The following CACNA1A variants were observed in gnomAD, a reference collection of about 807,000 sequenced individuals.
CACNA1A encodes the protein calcium voltage-gated channel subunit alpha1 A.
A neutral mutation model predicts 262.4 loss-of-function variants in CACNA1A; 57 were observed. The ratio of observed to expected loss-of-function variants is 0.22; its 90% CI spans 0.18 to 0.27. The LOEUF (loss-of-function observed/expected upper bound fraction) is 0.27. Among genes scored for constraint, CACNA1A ranks in the 10% least tolerant of loss-of-function variants. CACNA1A has a pLI of 1.00. For synonymous variants in CACNA1A, 1,431 were observed against 1,419.3 expected (o/e 1.01, Z -0.18); for missense variants, 2,526 against 3,562.8 (o/e 0.71, Z 7.41).
rs749095451 is a variant in CACNA1A at position 13,261,616 on chromosome 19, G to A, written c.4090-6C>T. 4 of 1,606,346 alleles carry A rather than the reference G, an allele frequency of 2.5e-6. No homozygotes were observed. In the South Asian group the frequency reaches 4.5e-5, roughly 18 times the overall value. On this transcript the variant is annotated splice_region_variant and splice_polypyrimidine_tract_variant and intron_variant, in intron 25 of 46. Transcript: ENST00000360228. ...ACCACACAGTCAAACACAGCCTGTGGGGTGGAGTTGACAGAGAGCATGAGG... is the reference window on the plus strand; with the variant it reads ...ACCACACAGTCAAACACAGCCTGTGAGGTGGAGTTGACAGAGAGCATGAGG...
chr19:13,212,778 TG>T lies in CACNA1A; in HGVS notation c.5941-39del. 1 of 1,073,594 alleles carries T rather than the reference TG, an allele frequency of 9.3e-7. No individual in the cohort carries two copies. The highest frequency in any genetic ancestry group is 1.3e-6 in the Non-Finnish European group (1 of 759,916). The allele number at this position is 1,073,594 out of a possible 1,614,324, so 66.5% of individuals were successfully genotyped here. On this transcript the variant is annotated intron_variant, in intron 40 of 46. Coordinates refer to ENST00000360228, the MANE Select transcript of CACNA1A (RefSeq NM_001127222.2). The surrounding 1 kb of genome is among the most constrained non-coding windows in gnomAD (Gnocchi z 5.6). ...GCAGAGAGCAGTGTGTGGACAAGGG[TG>T]GGGTGGTGGGACGGTGGTACCCAGA... is the stretch of plus-strand genomic sequence containing the variant.
chr19:13,413,699 C>T (rs1209758127), intron 3 of CACNA1A, among the ~76,000 whole-genome samples: 3 of 142,688 alleles, frequency 2.1e-5, no homozygotes, highest in African/African-American at 8.1e-5. Context: ...GCCAACATAG[C>T]GAAACCCCGT....
At chr19:13,311,283 G>A (rs921259625) in intron 12 of CACNA1A, among the ~76,000 whole-genome samples, 2 of 152,102 alleles carry the variant, frequency 1.3e-5, no homozygotes, top group African/African-American at 4.8e-5. Context: ...TAGAGACAGG[G>A]TCTTGCTATG....
At chr19:13,291,633 TAAAAAAAAAAAAA>T (rs3981952) in intron 19 of CACNA1A, among the ~76,000 whole-genome samples, 1 of 97,360 alleles carries the variant, frequency 1.0e-5, no homozygotes, top group African/African-American at 4.1e-5. Flanking sequence ...ACCCCATCTC[TAAAAAAAAAAAAA>T]AAAAAAAAAA....
intron 3 of CACNA1A, among the ~76,000 whole-genome samples, chr19:13,393,567 C>A (rs971441932): frequency 7.1e-6 from 1 of 140,368 alleles, no homozygotes; most frequent in Non-Finnish European, 1.6e-5. Flanking sequence ...CTCCCTCCCC[C>A]CCTTCTTCTT....
intron 46 of CACNA1A, 103 bp from the exon 47 acceptor site, chr19:13,208,156 GGGAGGAGAGGGAGGAGGGGGAGGGGGA>G (rs1008920974): frequency 6.2e-6 from 2 of 323,202 alleles, no homozygotes; most frequent in Non-Finnish European, 9.5e-6. Context: ...GAGAGGGGCC[GGGAGGAGAGGGAGGAGGGGGAGGGGGA>G]GGAGGAGGAG....
chr19:13,498,690 G>A (rs960473985), intron 1 of CACNA1A, among the ~76,000 whole-genome samples: 6 of 152,068 alleles, frequency 3.9e-5, no homozygotes, highest in Non-Finnish European at 4.4e-5. Context: ...CCTTAAAGAC[G>A]GCTTCTAAAA....
chr19:13,261,072 T>G, intron 26 of CACNA1A: 1 of 179,666 alleles, frequency 5.6e-6, no homozygotes, highest in Non-Finnish European at 1.2e-5. Flanking sequence ...TTGTGTTTGA[T>G]TATAGGGCTG....
chr19:13,383,861 G>C (rs528727107), intron 3 of CACNA1A, among the ~76,000 whole-genome samples: 16 of 152,248 alleles, frequency 1.1e-4, no homozygotes, highest in African/African-American at 3.4e-4. Flanking sequence ...TGTCACCCAG[G>C]CTGGCGTGCA....
chr19:13,498,097 T>C (rs1981906503), intron 1 of CACNA1A, among the ~76,000 whole-genome samples: 1 of 151,972 alleles, frequency 6.6e-6, no homozygotes. Flanking sequence ...ATGGTCAGCA[T>C]AGCCCTCCCA....
chr19:13,450,139 C>CAAAAAAAAAA (rs367559329), intron 3 of CACNA1A, among the ~76,000 whole-genome samples: 1 of 52,246 alleles, frequency 1.9e-5, no homozygotes, highest in Admixed American at 2.4e-4. Flanking sequence ...AGACTCTTGT[C>CAAAAAAAAAA]AAAAAAAAAA....
In CACNA1A at chr19:13,283,255, T is replaced by C. The variant is rs914692375; in HGVS notation, c.3822+12A>G. On this transcript the variant is annotated intron_variant, in intron 22 of 46. Coordinates refer to ENST00000360228, the MANE Select transcript of CACNA1A (RefSeq NM_001127222.2). ...AGCCAGGCTAGGAAGGGGTGTGCTC[T>C]GTGGGACTCACGTTGTTCCGAGGTG... The C allele has an allele frequency of 6.2e-7, 1 of 1,613,374 alleles. No homozygotes were observed. Among genetic ancestry groups the C allele is most frequent in the South Asian group, 1.1e-5 (1 of 91,060 alleles).
At chr19:13,295,660 T>G (rs1033697975) in intron 19 of CACNA1A, among the ~76,000 whole-genome samples, 10 of 152,038 alleles carry the variant, frequency 6.6e-5, no homozygotes, top group African/African-American at 2.4e-4. Context: ...CCTGGCTAAT[T>G]AAAAAACTTC....
intron 37 of CACNA1A, 53 bp downstream of exon 37, chr19:13,227,376 AAG>A: frequency 1.3e-6 from 1 of 786,324 alleles, no homozygotes. Context: ...AAAGAAGAAG[AAG>A]AAGAAAAAAA....
intron 46 of CACNA1A, 86 bp downstream of exon 46, chr19:13,208,670 A>G (rs939737414): frequency 1.4e-6 from 2 of 1,427,956 alleles, no homozygotes; most frequent in Non-Finnish European, 1.9e-6. Context: ...ACCTTTGCCT[A>G]GAGTGGCTGT....
At position 13,208,896 on chromosome 19, in the gene CACNA1A, G is replaced by A. The variant is rs905447472; in HGVS notation, c.6640C>T (p.His2214Tyr). Residue 2214 changes from histidine (H) to tyrosine (Y), a missense_variant, in exon 46 of 47, where the codon CAC becomes TAC. Coordinates refer to ENST00000360228, the MANE Select transcript of CACNA1A (RefSeq NM_001127222.2). ...GGCGGGGGATGGTGGTGGTGGTGGT[G>A]GTGGTGGTGGTGCTGTCGATGCTTC... ...DRKHRQHHHHHHHHHHPPPPD... is the reference protein window; with the variant it reads ...DRKHRQHHHHYHHHHHPPPPD... The A allele has an allele frequency of 1.3e-6, 2 of 1,536,320 alleles. No individual in the cohort carries two copies. The highest frequency in any genetic ancestry group is 1.2e-5 in the South Asian group (1 of 84,022).
At position 13,448,712 on chromosome 19, in the gene CACNA1A, A is replaced by T. The variant is rs866183030; in HGVS notation, c.539+4164T>A. On this transcript the variant is annotated intron_variant, in intron 3 of 46. Transcript: ENST00000360228. Reference sequence around the variant, plus strand: ...ACTCCTGGGTACGTGCCCTAGAGAAACTCACTTGGGAGAAAGCAGGGACAC... The same window carrying T: ...ACTCCTGGGTACGTGCCCTAGAGAATCTCACTTGGGAGAAAGCAGGGACAC... Among the ~76,000 whole-genome samples the T allele has an allele frequency of 1.2e-4, 19 of 152,256 alleles. 1 individual carries two copies. In the South Asian group the frequency reaches 2.1e-3, roughly 17 times the overall value.
intron 3 of CACNA1A, among the ~76,000 whole-genome samples, chr19:13,437,180 T>C (rs999309194): frequency 1.3e-5 from 2 of 152,162 alleles, no homozygotes; most frequent in Non-Finnish European, 2.9e-5. Context: ...AATTTGACAG[T>C]GGACAGAAGG....
chr19:13,486,362 T>TTCTC (rs150873105), intron 1 of CACNA1A, among the ~76,000 whole-genome samples: 96,685 of 150,528 alleles, frequency 0.64, 31,502 homozygotes, highest in African/African-American at 0.79. Flanking sequence ...TCTAGGTTTG[T>TTCTC]TCTGTCTCTC....
Sources: gnomAD v4.1 joint callset for allele counts (sites outside exome capture counted in the v4.1 genomes callset) on GRCh38, gnomAD v4.1.1 for gene constraint, Gnocchi (gnomAD v3.1) non-coding constraint, MANE v1.5 for transcripts, NCBI Gene and HGNC (gene_info 2026-07-23, HGNC 2026-07-21) for gene names.